The following PI4KA variants were observed in gnomAD, a reference collection of about 807,000 sequenced individuals.
The protein encoded by PI4KA is phosphatidylinositol 4-kinase alpha.
PI4KA carries 122 observed loss-of-function variants against 271.4 expected under a neutral mutation model. That is an observed-to-expected ratio of 0.45 (90% CI 0.39 to 0.52). The LOEUF (loss-of-function observed/expected upper bound fraction) is 0.52. PI4KA is among the 20% of genes least tolerant of loss of function. The probability of loss-of-function intolerance (pLI) is 0.00; values close to 1 mark genes in which losing one functional copy is unlikely to be tolerated. For missense variants in PI4KA, 1,969 were observed against 2,769.1 expected (o/e 0.71, Z 6.48); for synonymous variants, 1,041 against 1,078.8 (o/e 0.96, Z 0.69).
intron 9 of PI4KA, 125 bp from the exon 10 acceptor site, chr22:20,807,583 T>A: frequency 1.6e-6 from 1 of 629,106 alleles, no homozygotes; most frequent in Non-Finnish European, 2.9e-6. Flanking sequence ...AGCAACTGTT[T>A]ATCATGACTC....
intron 32 of PI4KA, among the ~76,000 whole-genome samples, chr22:20,739,031 C>A: frequency 1.3e-5 from 1 of 78,274 alleles, no homozygotes; most frequent in African/African-American, 5.3e-5. Context: ...TCAGGAGACT[C>A]AGTCACAAAA....
intron 36 of PI4KA, among the ~76,000 whole-genome samples, chr22:20,732,315 G>A (rs1365081293): frequency 6.6e-6 from 1 of 152,240 alleles, no homozygotes; most frequent in Non-Finnish European, 1.5e-5. Context: ...AGGAGGCAGA[G>A]GTTGCAGTGA....
chr22:20,765,833 C>T (rs1932475362), intron 19 of PI4KA, 140 bp from the exon 20 acceptor site: 1 of 617,962 alleles, frequency 1.6e-6, no homozygotes, highest in Admixed American at 2.3e-5. Flanking sequence ...GCACACTGAG[C>T]AGTGATGATT....
At chr22:20,817,872 C>T (rs1430028928) in intron 7 of PI4KA, among the ~76,000 whole-genome samples, 2 of 148,734 alleles carry the variant, frequency 1.3e-5, no homozygotes, top group Non-Finnish European at 3.0e-5. Context: ...TGCATGTAAT[C>T]CTAGCACTCT....
At chr22:20,741,035 A>G (rs1415066813) in intron 32 of PI4KA, among the ~76,000 whole-genome samples, 2 of 152,250 alleles carry the variant, frequency 1.3e-5, no homozygotes, top group Non-Finnish European at 2.9e-5. Flanking sequence ...TGCTGTAACA[A>G]AGCCTTGTCT....
chr22:20,737,663 C>T (rs1213900165), intron 32 of PI4KA, among the ~76,000 whole-genome samples: 8 of 149,558 alleles, frequency 5.3e-5, no homozygotes, highest in African/African-American at 2.0e-4. Context: ...CGGAGTTTCG[C>T]TCTTGTTGCC....
chr22:20,765,756 G>A, intron 19 of PI4KA, 63 bp from the exon 20 acceptor site: 1 of 1,069,004 alleles, frequency 9.4e-7, no homozygotes, highest in Non-Finnish European at 1.5e-6. Context: ...AAGCCCTGTA[G>A]GTGTAAAATC....
chr22:20,786,453 A>C (rs1202443375), intron 19 of PI4KA, among the ~76,000 whole-genome samples: 1 of 152,208 alleles, frequency 6.6e-6, no homozygotes, highest in Non-Finnish European at 1.5e-5. Flanking sequence ...AGCTACCCCC[A>C]GCCAAATCAT....
At chr22:20,756,671 C>G (rs1027765194) in intron 23 of PI4KA, among the ~76,000 whole-genome samples, 3 of 151,956 alleles carry the variant, frequency 2.0e-5, no homozygotes, top group Non-Finnish European at 4.4e-5. Context: ...TGCTCTGTTG[C>G]CCAGGCTGGA....
Position 20,745,367 on chromosome 22 carries a change from C to T in PI4KA, c.3364-647G>A, listed in dbSNP as rs1335259269. On this transcript the variant is annotated intron_variant, in intron 29 of 54. Coordinates refer to ENST00000255882, the MANE Select transcript of PI4KA (RefSeq NM_058004.4). ...ACACCTTTCAGTTCCTGTTCATCCA[C>T]GGTCACTGCAGAGTACAGCATGCAT... is the stretch of plus-strand genomic sequence containing the variant. Among the ~76,000 whole-genome samples the T allele has an allele frequency of 4.6e-5, 7 of 152,162 alleles. No individual in the cohort carries two copies. In the East Asian group the frequency reaches 7.7e-4, roughly 17 times the overall value.
At chr22:20,727,711 T>A in intron 40 of PI4KA, 63 bp downstream of exon 40, 1 of 1,241,702 alleles carries the variant, frequency 8.1e-7, no homozygotes, top group Non-Finnish European at 1.2e-6. Flanking sequence ...TTCAGGCATT[T>A]CTGGGTGCAG....
At chr22:20,830,288 A>G (rs562133374) in intron 3 of PI4KA, among the ~76,000 whole-genome samples, 1 of 152,318 alleles carries the variant, frequency 6.6e-6, no homozygotes, top group Non-Finnish European at 1.5e-5. Context: ...ATAGGTCTCT[A>G]AGAACTTGCT....
At chr22:20,826,262 G>A (rs1046727285) in intron 3 of PI4KA, among the ~76,000 whole-genome samples, 4 of 152,198 alleles carry the variant, frequency 2.6e-5, no homozygotes, top group African/African-American at 4.8e-5. Flanking sequence ...AGAATCGCTC[G>A]AACCTGGGAG....
At chr22:20,711,126 G>A (rs1925217221) in intron 51 of PI4KA, 1 of 545,872 alleles carries the variant, frequency 1.8e-6, no homozygotes, top group Non-Finnish European at 3.2e-6. Flanking sequence ...CTGACTCAGA[G>A]CAATGGCGGC....
intron 1 of PI4KA, among the ~76,000 whole-genome samples, chr22:20,852,630 T>C (rs2147826212): frequency 6.6e-6 from 1 of 152,246 alleles, no homozygotes; most frequent in South Asian, 2.1e-4. Context: ...GCGTATACCC[T>C]CCGCTGACCC....
At chr22:20,833,728 C>A (rs1251665924) in intron 3 of PI4KA, among the ~76,000 whole-genome samples, 1 of 145,814 alleles carries the variant, frequency 6.9e-6, no homozygotes, top group Non-Finnish European at 1.5e-5. Context: ...TAGCATATCT[C>A]GGCTCACTGC....
At chr22:20,718,135 C>T (rs1371030811) in intron 44 of PI4KA, among the ~76,000 whole-genome samples, 1 of 152,198 alleles carries the variant, frequency 6.6e-6, no homozygotes, top group Non-Finnish European at 1.5e-5. Context: ...TCTCAGCACC[C>T]AGCCCAGAAA....
rs1360398183 is a variant in PI4KA, at chr22:20,711,378, G to A, written c.5886C>T (p.Asn1962=). The A allele has an allele frequency of 1.4e-6, 2 of 1,394,952 alleles. No homozygotes were observed. The highest frequency in any genetic ancestry group is 1.9e-5 in the Admixed American group (1 of 51,886). 86.4% of individuals were successfully genotyped at this position (1,394,952 alleles called of 1,614,324 possible). Reference sequence around the variant, plus strand: ...TATGACCCTTCTTGTCCAGCATAATGTTGCCGTTGTGTCTGTCCTTGATCT... The same window carrying A: ...TATGACCCTTCTTGTCCAGCATAATATTGCCGTTGTGTCTGTCCTTGATCT... The part of the protein sequence containing the change: ...LLQIKDRHNG[N]IMLDKKGHII... The change falls in exon 51 of 55, where the codon AAC becomes AAT. Residue 1962 remains asparagine, a synonymous_variant. Coordinates refer to ENST00000255882, the MANE Select transcript of PI4KA (RefSeq NM_058004.4).
At position 20,788,013 on chromosome 22, in the gene PI4KA, T is replaced by C. The variant is rs149199470; in HGVS notation, c.2328+5180A>G. 3.9e-3 allele frequency among the ~76,000 whole-genome samples: 599 copies of C among 152,294 alleles called. 1 individual carries two copies. The highest frequency in any genetic ancestry group is 5.8e-3 in the Non-Finnish European group (397 of 68,020). On this transcript the variant is annotated intron_variant, in intron 19 of 54. Transcript: ENST00000255882. ...TACCTGGTCCTGCAGTGGGTCTGGT[T>C]TGACAGAGCAGATGACACCTGAGGA... is the stretch of plus-strand genomic sequence containing the variant.
Sources: allele counts gnomAD v4.1 joint callset (sites outside exome capture counted in the v4.1 genomes callset), GRCh38; gene constraint gnomAD v4.1.1; transcripts MANE v1.5; gene names NCBI Gene and HGNC (gene_info 2026-07-23, HGNC 2026-07-21).